SPG7: variants seen among roughly 807,000 people sequenced by gnomAD.
SPG7 encodes SPG7 matrix AAA peptidase subunit, paraplegin.
SPG7 carries 103 observed loss-of-function variants against 81.9 expected under a neutral mutation model. That is an observed-to-expected ratio of 1.26 (90% CI 1.07 to 1.48). SPG7 has a LOEUF of 1.48. Among genes scored for constraint, SPG7 ranks in the 40% most tolerant of loss-of-function variants. The pLI is 0.00. For missense variants in SPG7, 1,241 were observed against 1,087.3 expected (o/e 1.14, Z -1.99); for synonymous variants, 534 against 444.2 (o/e 1.20, Z -2.54).
rs77370233 is a variant in SPG7 at position 89,556,354 on chromosome 16, C to A, written c.2182-533C>A. On this transcript the variant is annotated intron_variant, in intron 16 of 16. Coordinates refer to ENST00000645818, the MANE Select transcript of SPG7 (RefSeq NM_003119.4). ...TGGAAGAGTTCTGCCTTCACAGAAACCAGTGAAATGTGGCTGTGGCAGTGT... is the reference window on the plus strand; with the variant it reads ...TGGAAGAGTTCTGCCTTCACAGAAAACAGTGAAATGTGGCTGTGGCAGTGT... 1,279 of 332,484 alleles carry A rather than the reference C, an allele frequency of 3.8e-3. 16 individuals are homozygous for A. Among genetic ancestry groups the A allele is most frequent in the East Asian group, 0.016 (344 of 21,276 alleles). The allele number at this position is 332,484 out of a possible 1,614,324, so 20.6% of individuals were successfully genotyped here.
chr16:89,553,988 CCT>C, intron 15 of SPG7, 28 bp downstream of exon 15: 1 of 1,607,192 alleles, frequency 6.2e-7, no homozygotes, highest in Non-Finnish European at 8.5e-7. Flanking sequence ...ACACCGCTGC[CCT>C]CTGTGCTCCC....
At chr16:89,515,094 A>G (rs2058078170) in intron 3 of SPG7, among the ~76,000 whole-genome samples, 1 of 147,858 alleles carries the variant, frequency 6.8e-6, no homozygotes, top group Admixed American at 6.7e-5. Context: ...CCGCCACCAT[A>G]CCCGGCTCAT....
chr16:89,532,373 T>C, intron 8 of SPG7, 90 bp from the exon 9 acceptor site: 2 of 1,472,060 alleles, frequency 1.4e-6, no homozygotes, highest in South Asian at 1.1e-5. Flanking sequence ...TTAGTTGTCC[T>C]TGGTGTAGAA....
chr16:89,553,109 C>T lies in SPG7; in HGVS notation c.1910C>T (p.Ala637Val). The change falls in exon 14 of 17, where the codon GCA becomes GTA. Residue 637 changes from alanine to valine, a missense_variant. Transcript: ENST00000645818. ...GCCCTGGGAGGACGGGCCTCGGAAG[C>T]ACTGTCCTTCAACGAGGTCACTTCT... ...CMALGGRASE[A>V]LSFNEVTSGA... 6.2e-7 allele frequency: 1 copy of T among 1,611,440 alleles called. No individual in the cohort carries two copies. Among genetic ancestry groups the T allele is most frequent in the Non-Finnish European group, 8.5e-7 (1 of 1,178,920 alleles).
At chr16:89,549,760 G>C (rs1597660553) in intron 12 of SPG7, 1 of 164,188 alleles carries the variant, frequency 6.1e-6, no homozygotes, top group Admixed American at 5.6e-5. Context: ...GATGGGAGCT[G>C]CGCCTCCAGG....
Position 89,532,045 on chromosome 16 carries a change from G to C in SPG7, c.1129G>C (p.Glu377Gln). The part of the protein sequence containing the change: ...QVPFLAMAGP[E>Q]FVEVIGGLGA... ...GCCCTTCCTGGCGATGGCCGGCCCA[G>C]AGTTCGTGGAGGTCATTGGAGGTAG... The change falls in exon 8 of 17, where the codon GAG (glutamate) becomes CAG (glutamine). Residue 377 changes from glutamate to glutamine, a missense_variant. Glu to Gln is a conservative substitution (Grantham distance 29). Transcript: ENST00000645818. The C allele has an allele frequency of 1.2e-6, 2 of 1,613,042 alleles. No homozygotes were observed. Among genetic ancestry groups the C allele is most frequent in the Non-Finnish European group, 1.7e-6 (2 of 1,179,988 alleles).
chr16:89,536,553 G>GAGGTGAGGCGGGTGAGGTC lies in SPG7; in HGVS notation c.1324+3936_1324+3954dup, dbSNP rs1349201676. ...GCGGGTGAGGTCAGGTGAGGCAGGT[G>GAGGTGAGGCGGGTGAGGTC]AGGTGAGGCGGGTGAGGTCAGGTGA... On this transcript the variant is annotated intron_variant, in intron 9 of 16. Coordinates refer to ENST00000645818, the MANE Select transcript of SPG7 (RefSeq NM_003119.4). 1.5e-4 allele frequency among the ~76,000 whole-genome samples: 21 copies of GAGGTGAGGCGGGTGAGGTC among 144,554 alleles called. 2 individuals are homozygous for GAGGTGAGGCGGGTGAGGTC. Among genetic ancestry groups the GAGGTGAGGCGGGTGAGGTC allele is most frequent in the Non-Finnish European group, 1.4e-4 (9 of 65,462 alleles). The allele number at this position is 144,554 out of a possible 152,430, so 94.8% of individuals were successfully genotyped here.
intron 14 of SPG7, 34 bp from the exon 15 acceptor site, chr16:89,553,760 C>CT: frequency 6.2e-7 from 1 of 1,611,636 alleles, no homozygotes; most frequent in Non-Finnish European, 8.5e-7. Context: ...GCCTGCAGTG[C>CT]TGAGGATGCC....
Position 89,524,175 on chromosome 16 carries a change from C to T in SPG7, c.546C>T (p.Arg182=), listed in dbSNP as rs370260886. The part of the protein sequence containing the change: ...HEMLAKGEVQ[R]VQVVPESDVV... ...TGCTGGCCAAGGGCGAGGTGCAGCG[C>T]GTCCAGGTGGTGCCTGAGAGCGACG... The change falls in exon 4 of 17, where the codon CGC becomes CGT. Residue 182 remains arginine (R), a synonymous_variant. Transcript: ENST00000645818. 1.1e-5 allele frequency: 18 copies of T among 1,613,892 alleles called. No homozygotes were observed. The highest frequency in any genetic ancestry group is 4.0e-5 in the African/African-American group (3 of 74,904).
At chr16:89,516,748 C>T (rs1414624241) in intron 3 of SPG7, 3 of 151,586 alleles carry the variant, frequency 2.0e-5, no homozygotes, top group Non-Finnish European at 4.4e-5. Context: ...ACCTGTAACC[C>T]CAGCTAGTCG....
chr16:89,547,888 C>T, intron 11 of SPG7, 115 bp from the exon 12 acceptor site: 1 of 812,918 alleles, frequency 1.2e-6, no homozygotes, highest in Non-Finnish European at 2.2e-6. Context: ...GCTGGGATTA[C>T]AGGGGTGAGC....
Position 89,530,410 on chromosome 16 carries a change from C to T in SPG7, c.862-273C>T, listed in dbSNP as rs2058325592. 3 of 481,824 alleles carry T rather than the reference C, an allele frequency of 6.2e-6. No individual in the cohort carries two copies. The East Asian group carries it at 1.2e-4, about 20-fold the overall frequency. 29.8% of individuals were successfully genotyped at this position (481,824 alleles called of 1,614,324 possible). A position where few individuals can be genotyped will look rare whatever the true frequency, so the allele number is the denominator to read the frequency against. On this transcript the variant is annotated intron_variant, in intron 6 of 16. Coordinates refer to ENST00000645818, the MANE Select transcript of SPG7 (RefSeq NM_003119.4). ...CCGCCCATCTCGGCCTCCCAAAGTG[C>T]TAGGATTACAGGCGTGAGCCACCAT...
At position 89,512,668 on chromosome 16, in the gene SPG7, A is replaced by G. The variant is rs35463145; in HGVS notation, c.287-280A>G. Among the ~76,000 whole-genome samples, 22,186 of 152,246 alleles carry G rather than the reference A, an allele frequency of 0.15. 1,828 individuals carry two copies. The highest frequency in any genetic ancestry group is 0.21 in the Middle Eastern group (61 of 294). On this transcript the variant is annotated intron_variant, in intron 2 of 16. Coordinates refer to ENST00000645818, the MANE Select transcript of SPG7 (RefSeq NM_003119.4). ...TAAAGGGATTCGTGATATTTTCCCA[A>G]ATTTGTGTTCATAACTATTTTTTAT...
intron 9 of SPG7, among the ~76,000 whole-genome samples, chr16:89,536,410 G>T (rs2058417303): frequency 1.3e-5 from 2 of 152,164 alleles, no homozygotes; most frequent in Non-Finnish European, 2.9e-5. Flanking sequence ...GAGGAAATCT[G>T]CAGAGCACCT....
chr16:89,550,407 A>T, intron 12 of SPG7, 87 bp from the exon 13 acceptor site: 2 of 891,910 alleles, frequency 2.2e-6, no homozygotes, highest in Non-Finnish European at 3.8e-6. Flanking sequence ...TCCTGTCCTC[A>T]GGTCATCCGC....
At chr16:89,550,261 C>T (rs1478049659) in intron 12 of SPG7, 4 of 478,720 alleles carry the variant, frequency 8.4e-6, no homozygotes, top group Non-Finnish European at 1.6e-5. Context: ...TAACCTCCGT[C>T]TCTCAGGTTC....
intron 16 of SPG7, 150 bp from the exon 17 acceptor site, chr16:89,556,737 T>C (rs2058690587): frequency 4.2e-6 from 3 of 714,450 alleles, no homozygotes; most frequent in Non-Finnish European, 7.7e-6. Flanking sequence ...CTTTCGGAGC[T>C]GCCTCCGTGC....
chr16:89,546,860 G>A, intron 11 of SPG7, 100 bp downstream of exon 11: 1 of 804,838 alleles, frequency 1.2e-6, no homozygotes, highest in Non-Finnish European at 2.2e-6. Flanking sequence ...GGTGGGCGCT[G>A]CTCCTTCTCT....
chr16:89,530,561 C>T, intron 6 of SPG7, 122 bp from the exon 7 acceptor site: 1 of 1,109,086 alleles, frequency 9.0e-7, no homozygotes, highest in East Asian at 2.4e-5. Context: ...TGAGTGAAGC[C>T]TTGGGATCCT....
Sources: allele counts gnomAD v4.1 joint callset (sites outside exome capture counted in the v4.1 genomes callset), GRCh38; gene constraint gnomAD v4.1.1; transcripts MANE v1.5; gene names NCBI Gene and HGNC (gene_info 2026-07-23, HGNC 2026-07-21).